The following GRIK2 variants were observed in gnomAD, a reference collection of about 807,000 sequenced individuals.
GRIK2 encodes glutamate ionotropic receptor kainate type subunit 2, also known as glutamate receptor ionotropic, kainate 2.
GRIK2 carries 32 observed loss-of-function variants against 100.3 expected under a neutral mutation model. The ratio of observed to expected loss-of-function variants is 0.32; its 90% CI spans 0.24 to 0.43. The LOEUF is 0.43. Ranked by LOEUF, GRIK2 falls within the 20% of genes least tolerant of loss-of-function variation. The pLI, the probability that GRIK2 is intolerant of heterozygous loss-of-function variation, is 1.00. For missense variants in GRIK2, 843 were observed against 1,114.9 expected (o/e 0.76, Z 3.47); for synonymous variants, 417 against 389.4 (o/e 1.07, Z -0.83).
At chr6:101,963,444 C>G (rs182923663) in intron 14 of GRIK2, among the ~76,000 whole-genome samples, 2,474 of 147,594 alleles carry the variant, frequency 0.017, 30 homozygotes, top group Non-Finnish European at 0.026. Flanking sequence ...ACTACAGGCG[C>G]CTGCCACAGC....
intron 7 of GRIK2, among the ~76,000 whole-genome samples, chr6:101,777,870 C>T (rs140339010): frequency 6.0e-4 from 92 of 152,258 alleles, no homozygotes; most frequent in Admixed American, 3.9e-3. Context: ...CATTTAGAAA[C>T]GGGACAGAGG....
intron 11 of GRIK2, among the ~76,000 whole-genome samples, chr6:101,880,305 T>G (rs1243246031): frequency 6.6e-6 from 1 of 152,086 alleles, no homozygotes; most frequent in Non-Finnish European, 1.5e-5. Context: ...AGAATCTGTG[T>G]TTATTTACTG....
chr6:101,523,719 TC>T (rs1775001262), intron 2 of GRIK2, among the ~76,000 whole-genome samples: 2 of 141,356 alleles, frequency 1.4e-5, no homozygotes, highest in South Asian at 2.3e-4. Context: ...GACTCCTAAG[TC>T]TTTTTTTTTT....
At chr6:101,558,141 C>A (rs2248993) in intron 2 of GRIK2, among the ~76,000 whole-genome samples, 3 of 152,022 alleles carry the variant, frequency 2.0e-5, no homozygotes, top group Non-Finnish European at 2.9e-5. Context: ...TCTAAATAGC[C>A]AAATCTAGCT....
At chr6:101,683,691 G>A (rs1309976988) in intron 6 of GRIK2, among the ~76,000 whole-genome samples, 3 of 152,250 alleles carry the variant, frequency 2.0e-5, no homozygotes, top group Admixed American at 6.5e-5. Context: ...TTCGAATGAG[G>A]TCTAAATGTT....
At position 101,686,198 on chromosome 6, in the gene GRIK2, G is replaced by A. The variant is rs776454681; in HGVS notation, c.796G>A (p.Val266Ile). 14 of 1,611,618 alleles carry A rather than the reference G, an allele frequency of 8.7e-6. No homozygotes were observed. The highest frequency in any genetic ancestry group is 1.7e-5 in the Admixed American group (1 of 59,924). The change falls in exon 7 of 17, where the codon GTT (valine) becomes ATT (isoleucine). Residue 266 changes from valine to isoleucine, a missense_variant. Physicochemically the swap from Val to Ile is conservative, Grantham distance 29 (BLOSUM62 3). This residue lies in a region of GRIK2 where 519 missense variants were observed against 643.8 expected (regional missense o/e 0.81). Coordinates refer to ENST00000369134, the MANE Select transcript of GRIK2 (RefSeq NM_021956.5). Reference protein sequence around the residue: ...FTTLDLFALDVEPYRYSGVNM... With the variant: ...FTTLDLFALDIEPYRYSGVNM... ...CTTTCAGGACCTCTTTGCTCTTGATGTTGAGCCCTACCGATACAGTGGTGT... is the reference window on the plus strand; with the variant it reads ...CTTTCAGGACCTCTTTGCTCTTGATATTGAGCCCTACCGATACAGTGGTGT...
rs937567997 is a variant in GRIK2, at chr6:101,967,711, C to T, written c.2085+39079C>T. Among the ~76,000 whole-genome samples the T allele has an allele frequency of 6.6e-5, 10 of 152,030 alleles. 1 individual carries two copies. Among genetic ancestry groups the T allele is most frequent in the African/African-American group, 1.4e-4 (6 of 41,384 alleles). Reference sequence around the variant, plus strand: ...ACTTTCCCAGTTGATTTGAGATCTACGCAAACAGGTAAACAAACAACAAGC... The same window carrying T: ...ACTTTCCCAGTTGATTTGAGATCTATGCAAACAGGTAAACAAACAACAAGC... On this transcript the variant is annotated intron_variant, in intron 14 of 16. Transcript: ENST00000369134.
chr6:101,805,276 C>T (rs993507402), intron 9 of GRIK2, among the ~76,000 whole-genome samples: 1 of 150,950 alleles, frequency 6.6e-6, no homozygotes, highest in Non-Finnish European at 1.5e-5. Context: ...TGAACTTCAT[C>T]CTGCCACCGA....
At chr6:101,572,606 T>G (rs536324163) in intron 2 of GRIK2, among the ~76,000 whole-genome samples, 36 of 152,082 alleles carry the variant, frequency 2.4e-4, no homozygotes, top group African/African-American at 8.4e-4. Flanking sequence ...TGTAGATGTG[T>G]GTTCCTTTTA....
chr6:101,463,656 T>C (rs1443971341), intron 2 of GRIK2, among the ~76,000 whole-genome samples: 1 of 152,106 alleles, frequency 6.6e-6, no homozygotes, highest in Non-Finnish European at 1.5e-5. Context: ...TGTACACCTG[T>C]TTCCTGGCAG....
chr6:101,706,367 A>C (rs375002157), intron 7 of GRIK2, among the ~76,000 whole-genome samples: 5 of 151,978 alleles, frequency 3.3e-5, no homozygotes, highest in African/African-American at 1.2e-4. Context: ...TTGTTATTCA[A>C]ATTCAAATTT....
At chr6:101,867,493 T>C (rs1239642551) in intron 11 of GRIK2, among the ~76,000 whole-genome samples, 1 of 151,874 alleles carries the variant, frequency 6.6e-6, no homozygotes, top group Non-Finnish European at 1.5e-5. Context: ...ACATGGTCTA[T>C]CACAGATCAG....
intron 2 of GRIK2, among the ~76,000 whole-genome samples, chr6:101,564,200 C>T (rs931013286): frequency 1.3e-5 from 2 of 152,126 alleles, no homozygotes; most frequent in South Asian, 4.1e-4. Flanking sequence ...CAAGCATTTA[C>T]ATTTCTTTCT....
At chr6:101,800,503 GC>G (rs774569339) in intron 8 of GRIK2, among the ~76,000 whole-genome samples, 89 of 152,054 alleles carry the variant, frequency 5.9e-4, no homozygotes, top group Non-Finnish European at 1.2e-3. Context: ...CTTAATCTTT[GC>G]AATGAAATAT....
At chr6:101,986,532 A>G (rs1037142585) in intron 14 of GRIK2, among the ~76,000 whole-genome samples, 10 of 151,898 alleles carry the variant, frequency 6.6e-5, no homozygotes, top group African/African-American at 1.9e-4. Context: ...AGATGAAAGC[A>G]TTTTAAATGA....
At chr6:101,649,652 C>T (rs1781698036) in intron 4 of GRIK2, among the ~76,000 whole-genome samples, 1 of 152,056 alleles carries the variant, frequency 6.6e-6, no homozygotes, top group South Asian at 2.1e-4. Flanking sequence ...TCTGGATACC[C>T]TCCTTATAAT....
In GRIK2 at chr6:101,682,735, C is replaced by A. The variant is rs554579229; in HGVS notation, c.777+129C>A. Reference sequence around the variant, plus strand: ...AGTTATATTTTAATTTGATAAGACTCCACCAAAATTATTATCAGAGAGGAC... The same window carrying A: ...AGTTATATTTTAATTTGATAAGACTACACCAAAATTATTATCAGAGAGGAC... On this transcript the variant is annotated intron_variant, in intron 6 of 16. Transcript: ENST00000369134. The A allele has an allele frequency of 1.6e-5, 8 of 496,076 alleles. No individual in the cohort carries two copies. The South Asian group carries it at 2.6e-4, about 16-fold the overall frequency. The allele number at this position is 496,076 out of a possible 1,614,324, so 30.7% of individuals were successfully genotyped here. A position where few individuals can be genotyped will look rare whatever the true frequency, so the allele number is the denominator to read the frequency against.
intron 7 of GRIK2, among the ~76,000 whole-genome samples, chr6:101,774,276 T>C (rs1778596814): frequency 6.6e-6 from 1 of 152,140 alleles, no homozygotes; most frequent in South Asian, 2.1e-4. Flanking sequence ...AAAAGGTAAA[T>C]ATAAACAACA....
chr6:102,034,268 T>C (rs1770147692), intron 14 of GRIK2, among the ~76,000 whole-genome samples: 1 of 151,440 alleles, frequency 6.6e-6, no homozygotes, highest in South Asian at 2.1e-4. Flanking sequence ...CCAGGATTTT[T>C]CTCTGTAATA....
Sources: allele counts gnomAD v4.1 joint callset (sites outside exome capture counted in the v4.1 genomes callset), GRCh38; gene constraint gnomAD v4.1.1; regional missense constraint gnomAD v4.1.1; transcripts MANE v1.5; gene names NCBI Gene and HGNC (gene_info 2026-07-23, HGNC 2026-07-21).